GNPTAB: variants seen among roughly 807,000 people sequenced by gnomAD.
GNPTAB encodes the protein N-acetylglucosamine-1-phosphotransferase subunits alpha/beta.
GNPTAB carries 92 observed loss-of-function variants against 136.6 expected under a neutral mutation model. The ratio of observed to expected loss-of-function variants is 0.67; its 90% CI spans 0.57 to 0.80. The LOEUF (loss-of-function observed/expected upper bound fraction) is 0.80, where lower values mean the gene tolerates loss of function less well. GNPTAB is among the 30% of genes least tolerant of loss of function. The pLI is 0.00. For missense variants in GNPTAB, 1,343 were observed against 1,501.8 expected, an observed-to-expected ratio of 0.89 and a Z score of 1.75; for synonymous variants, 512 against 535.1, an observed-to-expected ratio of 0.96 and a Z score of 0.60.
chr12:101,813,913 T>C (rs1312633268), intron 1 of GNPTAB, among the ~76,000 whole-genome samples: 1 of 152,050 alleles, frequency 6.6e-6, no homozygotes, highest in Non-Finnish European at 1.5e-5. Context: ...ACCCCGTCTC[T>C]ACTAAAAACA....
At chr12:101,814,004 G>A (rs1325883301) in intron 1 of GNPTAB, among the ~76,000 whole-genome samples, 3 of 150,674 alleles carry the variant, frequency 2.0e-5, no homozygotes, top group Non-Finnish European at 3.0e-5. Flanking sequence ...GCTTGAACCC[G>A]GGAGGCGGAG....
At chr12:101,758,473 C>G (rs901715827) in intron 16 of GNPTAB, among the ~76,000 whole-genome samples, 17 of 152,230 alleles carry the variant, frequency 1.1e-4, no homozygotes, top group Non-Finnish European at 2.4e-4. Flanking sequence ...CCGTGCCCAG[C>G]CCTAGTCTCA....
At chr12:101,757,540 CTAAA>C in intron 17 of GNPTAB, 28 bp downstream of exon 17, 1 of 1,050,386 alleles carries the variant, frequency 9.5e-7, no homozygotes. Flanking sequence ...TACTCTTATA[CTAAA>C]CAAAGGGAGT....
intron 10 of GNPTAB, among the ~76,000 whole-genome samples, chr12:101,769,058 C>T (rs901770774): frequency 1.3e-5 from 2 of 152,220 alleles, no homozygotes; most frequent in African/African-American, 2.4e-5. Context: ...GTAGCATAAA[C>T]AATTACAGAC....
rs281864963 is a variant in GNPTAB, at chr12:101,780,271, CTTCT to C, written c.648_651del (p.Glu217SerfsTer4). ...TCTTGCATTAGCACTAATCCAGGGA[CTTCT>C]TTATCTGTTGTCTAAAATAAGGGGA... is the stretch of plus-strand genomic sequence containing the variant. On this transcript the variant is annotated frameshift_variant, in exon 7 of 21. Coordinates refer to ENST00000299314, the MANE Select transcript of GNPTAB (RefSeq NM_024312.5). LOFTEE classifies it high-confidence loss of function. 5 of 1,613,910 alleles carry C rather than the reference CTTCT, an allele frequency of 3.1e-6. No homozygotes were observed. Among genetic ancestry groups the C allele is most frequent in the Non-Finnish European group, 4.2e-6 (5 of 1,179,910 alleles).
chr12:101,785,761 T>C (rs1295418236), intron 5 of GNPTAB: 15 of 467,546 alleles, frequency 3.2e-5, no homozygotes, highest in Middle Eastern at 5.9e-4. Context: ...AACAAGGTAA[T>C]TGTGATATCA....
intron 2 of GNPTAB, among the ~76,000 whole-genome samples, chr12:101,793,120 T>C (rs1869084454): frequency 6.6e-6 from 1 of 152,158 alleles, no homozygotes; most frequent in Admixed American, 6.6e-5. Context: ...GGGCCTAGAA[T>C]AGTTCCTCCT....
chr12:101,789,869 T>C, intron 3 of GNPTAB, 69 bp downstream of exon 3: 1 of 1,388,038 alleles, frequency 7.2e-7, no homozygotes, highest in Non-Finnish European at 1.0e-6. Flanking sequence ...ATATGTGAGA[T>C]GTGCCACCCT....
intron 1 of GNPTAB, among the ~76,000 whole-genome samples, chr12:101,818,587 G>C (rs1312868231): frequency 1.3e-5 from 2 of 152,090 alleles, no homozygotes; most frequent in Non-Finnish European, 2.9e-5. Flanking sequence ...CATGTTGCCA[G>C]GCTGGTCTCA....
chr12:101,814,495 G>A (rs1364313167), intron 1 of GNPTAB, among the ~76,000 whole-genome samples: 1 of 151,954 alleles, frequency 6.6e-6, no homozygotes, highest in Admixed American at 6.6e-5. Flanking sequence ...TCAGAGGTTC[G>A]AGACCAGCCT....
intron 16 of GNPTAB, among the ~76,000 whole-genome samples, chr12:101,757,999 C>G (rs1382746189): frequency 6.6e-6 from 1 of 151,576 alleles, no homozygotes; most frequent in Non-Finnish European, 1.5e-5. Flanking sequence ...TGTGAGGCGT[C>G]TGGTGAATTC....
At chr12:101,761,447 C>T in intron 14 of GNPTAB, 101 bp from the exon 15 acceptor site, 1 of 1,410,036 alleles carries the variant, frequency 7.1e-7, no homozygotes, top group Non-Finnish European at 1.0e-6. Context: ...TAGATAATAC[C>T]TTTAACATAT....
Position 101,766,180 on chromosome 12 carries a change from C to G in GNPTAB, c.1523G>C (p.Gly508Ala), listed in dbSNP as rs772681175. 2.5e-6 allele frequency: 4 copies of G among 1,614,106 alleles called. No homozygotes were observed. The highest frequency in any genetic ancestry group is 3.4e-6 in the Non-Finnish European group (4 of 1,179,974). Residue 508 changes from glycine (G) to alanine (A), a missense_variant, in exon 12 of 21, where the codon GGA becomes GCA. By Grantham distance (60) the Gly-to-Ala change is moderately conservative (BLOSUM62 0). Coordinates refer to ENST00000299314, the MANE Select transcript of GNPTAB (RefSeq NM_024312.5). ...GINSVSYCNQ[G>A]CANSWLADKF... ...ATCAGCGAGCCAGGAATTCGCACAT[C>G]CCTGATTACAGTAAGAGACACTGTT...
intron 4 of GNPTAB, 65 bp downstream of exon 4, chr12:101,788,483 T>A (rs909071007): frequency 1.0e-6 from 1 of 961,988 alleles, no homozygotes; most frequent in Admixed American, 1.7e-5. Flanking sequence ...TAAAAACAAA[T>A]GATAATCTGA....
intron 1 of GNPTAB, among the ~76,000 whole-genome samples, chr12:101,827,475 A>G (rs1446795704): frequency 6.6e-6 from 1 of 152,012 alleles, no homozygotes; most frequent in Non-Finnish European, 1.5e-5. Context: ...ACTTCAAGCA[A>G]TCCTCCAGCC....
At chr12:101,805,915 T>C (rs902678553) in intron 1 of GNPTAB, among the ~76,000 whole-genome samples, 28 of 152,216 alleles carry the variant, frequency 1.8e-4, no homozygotes, top group African/African-American at 6.8e-4. Context: ...AAATATCTAA[T>C]GTTTAGATCA....
In GNPTAB at chr12:101,765,157, C is replaced by T. The variant is rs143788461; in HGVS notation, c.1760G>A (p.Arg587Gln). 10 of 1,613,952 alleles carry T rather than the reference C, an allele frequency of 6.2e-6. No homozygotes were observed. The highest frequency in any genetic ancestry group is 4.4e-5 in the South Asian group (4 of 91,074). ...EGAYSDNPII[R>Q]HASIANKWKT... is the part of the protein sequence containing the mutation. Reference sequence around the variant, plus strand: ...CCACTTGTTGGCAATAGAAGCATGTCGAATTATTGGATTGTCACTATAGGC... The same window carrying T: ...CCACTTGTTGGCAATAGAAGCATGTTGAATTATTGGATTGTCACTATAGGC... Residue 587 changes from arginine (R) to glutamine (Q), a missense_variant, in exon 13 of 21, where the codon CGA (arginine) becomes CAA (glutamine). By Grantham distance (43) the Arg-to-Gln change is conservative. Transcript: ENST00000299314.
chr12:101,750,996 C>T (rs1952808444), intron 19 of GNPTAB, among the ~76,000 whole-genome samples: 1 of 152,120 alleles, frequency 6.6e-6, no homozygotes, highest in Non-Finnish European at 1.5e-5. Context: ...GCAACCCTGC[C>T]CCACTCTAAG....
chr12:101,752,807 G>A (rs529901602), intron 19 of GNPTAB, among the ~76,000 whole-genome samples: 13 of 152,274 alleles, frequency 8.5e-5, no homozygotes, highest in African/African-American at 2.9e-4. Context: ...TCAACAAACA[G>A]TTGAATAAAT....
Sources: gnomAD v4.1 joint callset for allele counts (sites outside exome capture counted in the v4.1 genomes callset) on GRCh38, gnomAD v4.1.1 for gene constraint, MANE v1.5 for transcripts, NCBI Gene and HGNC (gene_info 2026-07-23, HGNC 2026-07-21) for gene names.